The following NME9 variants were observed in gnomAD, a reference collection of about 807,000 sequenced individuals.
NME9 encodes NME/NM23 family member 9, also known as thioredoxin domain-containing protein 6.
In NME9, 48 loss-of-function variants were observed where a neutral mutation model predicts 44.4. That is an observed-to-expected ratio of 1.08 (90% CI 0.86 to 1.37). NME9 has a LOEUF of 1.37. Ranked by LOEUF, NME9 falls within the 40% of genes most tolerant of loss-of-function variation. The pLI, the probability that NME9 is intolerant of heterozygous loss-of-function variation, is 0.00. For missense variants in NME9, 325 were observed against 405.2 expected, an observed-to-expected ratio of 0.80 and a Z score of 1.70; for synonymous variants, 139 against 147.1, an observed-to-expected ratio of 0.94 and a Z score of 0.40.
At chr3:138,262,934 T>C (rs1392632059) in intron 8 of NME9, among the ~76,000 whole-genome samples, 1 of 152,220 alleles carries the variant, frequency 6.6e-6, no homozygotes, top group Non-Finnish European at 1.5e-5. Context: ...CTCTGTATTA[T>C]CCAGAATAAT....
intron 8 of NME9, among the ~76,000 whole-genome samples, chr3:138,264,946 A>G (rs2108271048): frequency 6.6e-6 from 1 of 150,508 alleles, no homozygotes; most frequent in African/African-American, 2.4e-5. Flanking sequence ...CACACAGGCT[A>G]GAGTGCAGTG....
At chr3:138,327,171 A>AG (rs1408288991) in intron 1 of NME9, 1 of 151,842 alleles carries the variant, frequency 6.6e-6, no homozygotes, top group Non-Finnish European at 1.5e-5. Context: ...AAAAAAAAAA[A>AG]AAAAAGTCTC....
At chr3:138,283,636 A>G (rs2050139161) in intron 8 of NME9, among the ~76,000 whole-genome samples, 2 of 152,130 alleles carry the variant, frequency 1.3e-5, no homozygotes, top group Non-Finnish European at 2.9e-5. Flanking sequence ...CACTGTTGGT[A>G]TCCCTATCAT....
downstream of NME9, chr3:138,296,042 A>AG: frequency 1.6e-6 from 1 of 617,804 alleles, no homozygotes; most frequent in Non-Finnish European, 2.6e-6. Context: ...TTAGATCTCA[A>AG]ATTCATCTTG....
intron 8 of NME9, among the ~76,000 whole-genome samples, chr3:138,271,798 C>CTTT (rs776320900): frequency 7.3e-6 from 1 of 136,132 alleles, no homozygotes; most frequent in African/African-American, 2.8e-5. Context: ...TTTTTTCTTT[C>CTTT]TTTTTTTTTT....
chr3:138,290,395 G>A (rs1408277384), intron 8 of NME9: 9 of 602,092 alleles, frequency 1.5e-5, no homozygotes, highest in South Asian at 1.0e-4. Flanking sequence ...AAGCATGAGC[G>A]GGTCCAACTA....
intron 2 of NME9, chr3:138,324,669 GA>G: frequency 1.6e-6 from 1 of 639,650 alleles, no homozygotes; most frequent in Non-Finnish European, 2.9e-6. Context: ...TTCCTGAACT[GA>G]ATTTACTGAT....
chr3:138,320,633 A>G (rs2053405034), intron 2 of NME9, among the ~76,000 whole-genome samples: 1 of 152,244 alleles, frequency 6.6e-6, no homozygotes, highest in Admixed American at 6.5e-5. Flanking sequence ...CTGTTCTAAC[A>G]CTGTTCTATA....
intron 8 of NME9, 70 bp from the exon 9 acceptor site, chr3:138,305,097 A>T (rs181931607): frequency 6.9e-7 from 1 of 1,439,858 alleles, no homozygotes; most frequent in Admixed American, 1.8e-5. Flanking sequence ...CAGCGAGCCC[A>T]TCTCACCCAC....
At chr3:138,272,214 CAA>C (rs2048867602) in intron 8 of NME9, among the ~76,000 whole-genome samples, 1 of 152,146 alleles carries the variant, frequency 6.6e-6, no homozygotes, top group Non-Finnish European at 1.5e-5. Context: ...ATTGTGAACA[CAA>C]GAGATGTTTT....
chr3:138,301,699 C>G lies in NME9; in HGVS notation c.934G>C (p.Glu312Gln). 6.5e-7 allele frequency: 1 copy of G among 1,535,998 alleles called. No homozygotes were observed. The highest frequency in any genetic ancestry group is 8.7e-7 in the Non-Finnish European group (1 of 1,146,786). The change falls in exon 11 of 11, where the codon GAG becomes CAG. Residue 312 changes from glutamate (E) to glutamine (Q), a missense_variant. By Grantham distance (29) the Glu-to-Gln change is conservative. Transcript: ENST00000333911. ...GTGGGCCCCGCTGTTGCTTCAGCCT[C>G]ACCGCCTGTGGGATGACAGATGTTT... ...DKDTEAPQGG[E>Q]AEATAGPTEA...
At chr3:138,282,894 T>C (rs1378644584) in intron 8 of NME9, among the ~76,000 whole-genome samples, 1 of 152,174 alleles carries the variant, frequency 6.6e-6, no homozygotes, top group Non-Finnish European at 1.5e-5. Flanking sequence ...AGATTATTAT[T>C]GATTTCCTTA....
chr3:138,262,569 G>C (rs765092119), exon 9 of NME9: 2 of 1,611,738 alleles, frequency 1.2e-6, no homozygotes, highest in Admixed American at 3.3e-5. Context: ...TTCAACCTTG[G>C]CTGTGTACTG....
chr3:138,278,607 A>G (rs1206720195), intron 8 of NME9, among the ~76,000 whole-genome samples: 1 of 152,190 alleles, frequency 6.6e-6, no homozygotes, highest in Non-Finnish European at 1.5e-5. Flanking sequence ...ATGAAATGCC[A>G]CTTGGGATTT....
chr3:138,284,888 C>T (rs1379299072), intron 8 of NME9, among the ~76,000 whole-genome samples: 1 of 152,232 alleles, frequency 6.6e-6, no homozygotes, highest in Non-Finnish European at 1.5e-5. Context: ...CCCCCTGGCA[C>T]CATAGTTCCT....
At chr3:138,306,155 A>G in intron 7 of NME9, 59 bp from the exon 8 acceptor site, 1 of 1,253,824 alleles carries the variant, frequency 8.0e-7, no homozygotes, top group Non-Finnish European at 1.2e-6. Context: ...CACATTGATT[A>G]ATTAATTTAG....
chr3:138,306,881 AG>A (rs1447708574), intron 6 of NME9, among the ~76,000 whole-genome samples: 16 of 152,126 alleles, frequency 1.1e-4, no homozygotes, highest in Admixed American at 1.0e-3. Flanking sequence ...AGAAAGTGAG[AG>A]GGGGGCCTGG....
chr3:138,300,291 G>T (rs1424500834), downstream of NME9, among the ~76,000 whole-genome samples: 2 of 152,212 alleles, frequency 1.3e-5, no homozygotes, highest in Non-Finnish European at 2.9e-5. Context: ...CAACTGTGGG[G>T]ACTGACTTAT....
rs565812017 is a variant in NME9 at position 138,325,512 on chromosome 3, G to A, written c.34-582C>T. ...TCTGCTCTGCCTCCCAGGTTCAAGC[G>A]ATTCTTATGCTTCAGCCTCCTGAGG... On this transcript the variant is annotated intron_variant, in intron 1 of 10. Coordinates refer to ENST00000333911, the MANE Select transcript of NME9 (RefSeq NM_001349018.2). 6.6e-5 allele frequency among the ~76,000 whole-genome samples: 10 copies of A among 151,834 alleles called. No individual in the cohort carries two copies. In the South Asian group the frequency reaches 1.9e-3, roughly 28 times the overall value.
Sources: gnomAD v4.1 joint callset for allele counts (sites outside exome capture counted in the v4.1 genomes callset) on GRCh38, gnomAD v4.1.1 for gene constraint, MANE v1.5 for transcripts, NCBI Gene and HGNC (gene_info 2026-07-23, HGNC 2026-07-21) for gene names.